The following CHCHD6 variants were observed in gnomAD, a reference collection of about 807,000 sequenced individuals.
The protein encoded by CHCHD6 is MICOS complex subunit MIC25.
In CHCHD6, 28 loss-of-function variants were observed where a neutral mutation model predicts 32.3. The observed-to-expected ratio is 0.87, with a 90% CI of 0.64 to 1.19. The LOEUF (loss-of-function observed/expected upper bound fraction) is 1.19. Ranked by LOEUF, CHCHD6 falls within the 50% of genes most tolerant of loss-of-function variation. CHCHD6 has a pLI of 0.00. For synonymous variants in CHCHD6, 122 were observed against 117.5 expected, an observed-to-expected ratio of 1.04 and a Z score of -0.25; for missense variants, 333 against 307.0, an observed-to-expected ratio of 1.08 and a Z score of -0.63.
chr3:126,916,712 G>A lies in CHCHD6; in HGVS notation c.566+1962G>A, dbSNP rs370822624. On this transcript the variant is annotated intron_variant, in intron 6 of 7. Transcript: ENST00000290913. Reference sequence around the variant, plus strand: ...TGAAGGGTTCCCCCCGGTATGTCCTGTTCATCTGGGGCTGAGAAATACTTG... The same window carrying A: ...TGAAGGGTTCCCCCCGGTATGTCCTATTCATCTGGGGCTGAGAAATACTTG... 4.8e-4 allele frequency among the ~76,000 whole-genome samples: 73 copies of A among 152,340 alleles called. 1 individual carries two copies. The South Asian group carries it at 0.014, about 30-fold the overall frequency.
intron 4 of CHCHD6, among the ~76,000 whole-genome samples, chr3:126,809,217 G>A (rs1005776847): frequency 1.4e-4 from 21 of 152,156 alleles, no homozygotes; most frequent in Admixed American, 5.9e-4. Flanking sequence ...CAAGTGATCC[G>A]CCCACCTTGG....
chr3:126,838,719 A>G (rs1940957953), intron 4 of CHCHD6, among the ~76,000 whole-genome samples: 1 of 152,156 alleles, frequency 6.6e-6, no homozygotes, highest in South Asian at 2.1e-4. Context: ...GCAAACCCTT[A>G]TGGCAGCCCT....
Position 126,846,825 on chromosome 3 carries a change from C to T in CHCHD6, c.412-5822C>T, listed in dbSNP as rs532576844. 3.5e-4 allele frequency among the ~76,000 whole-genome samples: 54 copies of T among 152,190 alleles called. No individual in the cohort carries two copies. The South Asian group carries it at 1.0e-2, about 28-fold the overall frequency. ...GAGGGTCATTATTTTCGCACGTACA[C>T]GTGTTTGTGTGTGTGTATGTGTATG... On this transcript the variant is annotated intron_variant, in intron 4 of 7. Transcript: ENST00000290913.
At chr3:126,953,048 G>T in intron 6 of CHCHD6, 7 of 985,504 alleles carry the variant, frequency 7.1e-6, no homozygotes, top group Non-Finnish European at 8.4e-6. Flanking sequence ...TACTGAGCAT[G>T]TTCTGACCGG....
intron 4 of CHCHD6, among the ~76,000 whole-genome samples, chr3:126,765,266 C>T (rs1317730292): frequency 6.6e-6 from 1 of 152,204 alleles, no homozygotes; most frequent in African/African-American, 2.4e-5. Flanking sequence ...CCAAACCAGT[C>T]CAGACCCTCT....
At chr3:126,872,158 A>G (rs966685420) in intron 5 of CHCHD6, among the ~76,000 whole-genome samples, 1 of 152,140 alleles carries the variant, frequency 6.6e-6, no homozygotes, top group East Asian at 1.9e-4. Context: ...TACTGTTGGC[A>G]TCTATCTACT....
chr3:126,899,328 C>G (rs941756467), intron 5 of CHCHD6, among the ~76,000 whole-genome samples: 1 of 152,172 alleles, frequency 6.6e-6, no homozygotes, highest in African/African-American at 2.4e-5. Context: ...AAGAAACCTA[C>G]TCATCAAATT....
chr3:126,943,284 T>G (rs2078588766), intron 6 of CHCHD6, among the ~76,000 whole-genome samples: 1 of 152,154 alleles, frequency 6.6e-6, no homozygotes, highest in South Asian at 2.1e-4. Context: ...CATTCTTTGT[T>G]TTTTCGGAAA....
chr3:126,827,740 A>G (rs1940459849), intron 4 of CHCHD6, among the ~76,000 whole-genome samples: 1 of 152,210 alleles, frequency 6.6e-6, no homozygotes, highest in African/African-American at 2.4e-5. Flanking sequence ...ATATAGATGA[A>G]TGGTTGTGCT....
At chr3:126,911,231 G>A (rs1334212344) in intron 5 of CHCHD6, among the ~76,000 whole-genome samples, 2 of 152,122 alleles carry the variant, frequency 1.3e-5, no homozygotes, top group Admixed American at 6.5e-5. Context: ...CGAGGCCAGG[G>A]AGCAAGCCAC....
intron 6 of CHCHD6, among the ~76,000 whole-genome samples, chr3:126,941,231 C>CT (rs1306948871): frequency 6.6e-6 from 1 of 152,184 alleles, no homozygotes; most frequent in African/African-American, 2.4e-5. Context: ...AAGTAAAGAT[C>CT]TGCTTTCATT....
chr3:126,864,399 C>T (rs1942151651), intron 5 of CHCHD6, among the ~76,000 whole-genome samples: 2 of 148,958 alleles, frequency 1.3e-5, no homozygotes, highest in South Asian at 4.4e-4. Flanking sequence ...ACCACCACCT[C>T]CTCCTCCTCC....
In CHCHD6 at chr3:126,727,250, C is replaced by A. The variant is rs1935577551; in HGVS notation, c.196+64C>A. 9 of 1,157,166 alleles carry A rather than the reference C, an allele frequency of 7.8e-6. No individual in the cohort carries two copies. The Admixed American group carries it at 1.1e-4, about 14-fold the overall frequency. 71.7% of individuals were successfully genotyped at this position (1,157,166 alleles called of 1,614,324 possible). A position where few individuals can be genotyped will look rare whatever the true frequency, so the allele number is the denominator to read the frequency against. ...CAGTGAAAGGAGTGATGGGTGCTCA[C>A]CCGAGCCCACCTGATGGCGCACAGG... On this transcript the variant is annotated intron_variant, in intron 2 of 7. Coordinates refer to ENST00000290913, the MANE Select transcript of CHCHD6 (RefSeq NM_032343.3).
At chr3:126,864,255 A>T (rs1231673988) in intron 5 of CHCHD6, among the ~76,000 whole-genome samples, 2 of 100,396 alleles carry the variant, frequency 2.0e-5, no homozygotes, top group Admixed American at 1.0e-4. Context: ...CACCATCACC[A>T]TCTCCCCCTC....
chr3:126,877,565 A>AC (rs1002825843), intron 5 of CHCHD6, among the ~76,000 whole-genome samples: 4 of 152,090 alleles, frequency 2.6e-5, no homozygotes, highest in Admixed American at 1.3e-4. Flanking sequence ...AAAAAAAAAA[A>AC]AAATTAGGTC....
At chr3:126,812,842 C>G (rs924606422) in intron 4 of CHCHD6, among the ~76,000 whole-genome samples, 1 of 152,056 alleles carries the variant, frequency 6.6e-6, no homozygotes, top group Non-Finnish European at 1.5e-5. Context: ...TTTGAATGTC[C>G]TCGTATATTT....
chr3:126,863,639 C>G (rs1212153029), intron 5 of CHCHD6, among the ~76,000 whole-genome samples: 2 of 139,618 alleles, frequency 1.4e-5, no homozygotes, highest in African/African-American at 5.7e-5. Context: ...TCACCCTCTT[C>G]CACCATCACC....
chr3:126,858,322 G>A (rs961135840), intron 5 of CHCHD6, among the ~76,000 whole-genome samples: 2 of 150,504 alleles, frequency 1.3e-5, no homozygotes, highest in African/African-American at 2.4e-5. Context: ...GGGAGGGGTG[G>A]GTAAGGCTTC....
chr3:126,773,195 T>C (rs1427119004), intron 4 of CHCHD6, among the ~76,000 whole-genome samples: 1 of 152,164 alleles, frequency 6.6e-6, no homozygotes, highest in Non-Finnish European at 1.5e-5. Context: ...TGATTATATG[T>C]CTTGGGGATG....
Sources: gnomAD v4.1 joint callset for allele counts (sites outside exome capture counted in the v4.1 genomes callset) on GRCh38, gnomAD v4.1.1 for gene constraint, MANE v1.5 for transcripts, NCBI Gene and HGNC (gene_info 2026-07-23, HGNC 2026-07-21) for gene names.